Variants in PCDHA1 observed in about 807,000 individuals in gnomAD.
The protein encoded by PCDHA1 is protocadherin alpha-1.
PCDHA1 carries 42 observed loss-of-function variants against 61.3 expected under a neutral mutation model. The observed-to-expected ratio is 0.69, with a 90% CI of 0.54 to 0.89. PCDHA1 has a LOEUF of 0.89. PCDHA1 is among the 40% of genes least tolerant of loss of function. The pLI is 0.00. For missense variants in PCDHA1, 1,256 were observed against 1,235.3 expected (o/e 1.02, Z -0.25); for synonymous variants, 610 against 553.8 (o/e 1.10, Z -1.43).
At chr5:140,789,855 T>A (rs1356205969) in intron 1 of PCDHA1, among the ~76,000 whole-genome samples, 2 of 152,210 alleles carry the variant, frequency 1.3e-5, no homozygotes, top group African/African-American at 4.8e-5. Flanking sequence ...TTCCCGAGGA[T>A]ATCCAAAAAC....
At chr5:140,985,217 G>A (rs1196051994) in intron 3 of PCDHA1, among the ~76,000 whole-genome samples, 3 of 152,206 alleles carry the variant, frequency 2.0e-5, no homozygotes, top group Admixed American at 1.3e-4. Context: ...GATTACAGGC[G>A]TGAGCCACCG....
chr5:140,824,197 CT>C (rs2150133145), intron 1 of PCDHA1: 49 of 1,598,384 alleles, frequency 3.1e-5, no homozygotes, highest in Middle Eastern at 1.7e-4. Flanking sequence ...CATTCACCCA[CT>C]TTTTTTGTAT....
chr5:140,822,222 G>A (rs2150114654), intron 1 of PCDHA1: 1 of 1,614,212 alleles, frequency 6.2e-7, no homozygotes, highest in Non-Finnish European at 8.5e-7. Flanking sequence ...TGCCAGATTC[G>A]CGGTTTCCGC....
At chr5:140,956,381 G>T (rs1380347643) in intron 1 of PCDHA1, among the ~76,000 whole-genome samples, 2 of 152,090 alleles carry the variant, frequency 1.3e-5, no homozygotes, top group African/African-American at 4.8e-5. Context: ...TTTTATCGAA[G>T]GCCTTTTCTG....
chr5:140,910,982 T>C (rs1204318531), intron 1 of PCDHA1, among the ~76,000 whole-genome samples: 1 of 152,130 alleles, frequency 6.6e-6, no homozygotes, highest in Non-Finnish European at 1.5e-5. Flanking sequence ...GGTTATACTC[T>C]GAACCTCACC....
intron 2 of PCDHA1, chr5:140,982,242 AAAG>A (rs2096973421): frequency 2.9e-6 from 2 of 701,584 alleles, no homozygotes; most frequent in African/African-American, 3.6e-5. Flanking sequence ...GAATTGCCAT[AAAG>A]ATAGAACATG....
At chr5:140,819,227 A>G (rs1437121413) in intron 1 of PCDHA1, among the ~76,000 whole-genome samples, 1 of 152,190 alleles carries the variant, frequency 6.6e-6, no homozygotes, top group Non-Finnish European at 1.5e-5. Context: ...TTGCTTCAAC[A>G]TTTCCTCTTC....
chr5:140,904,235 T>A (rs147535141), intron 1 of PCDHA1, among the ~76,000 whole-genome samples: 1,856 of 152,070 alleles, frequency 0.012, 44 homozygotes, highest in African/African-American at 0.042. Flanking sequence ...TACTTATGCC[T>A]TTGCATCCTC....
intron 1 of PCDHA1, among the ~76,000 whole-genome samples, chr5:140,920,124 G>A (rs1261931835): frequency 2.6e-5 from 4 of 152,152 alleles, no homozygotes; most frequent in African/African-American, 4.8e-5. Flanking sequence ...AACATCTTGA[G>A]TTTTAATTCT....
rs141677026 is a variant in PCDHA1 at position 140,801,721 on chromosome 5, CTGAA to C, written c.2394+13039_2394+13042del. On this transcript the variant is annotated intron_variant, in intron 1 of 3. Transcript: ENST00000504120. ...TTGTTGACTTACAGTCTTGATTCCA[CTGAA>C]TATTTTACCTTGGACGTTAAAAGAA... 0.011 allele frequency: 18,159 copies of C among 1,614,106 alleles called. 133 individuals carry two copies. The highest frequency in any genetic ancestry group is 0.013 in the Non-Finnish European group (14,842 of 1,180,026).
intron 1 of PCDHA1, among the ~76,000 whole-genome samples, chr5:140,912,103 G>A (rs1431283462): frequency 6.6e-6 from 1 of 152,212 alleles, no homozygotes; most frequent in Non-Finnish European, 1.5e-5. Context: ...GGAGAAAGAT[G>A]TAGGCTGGGA....
At chr5:140,858,713 G>A (rs1554151978) in intron 1 of PCDHA1, 3 of 521,676 alleles carry the variant, frequency 5.8e-6, no homozygotes, top group African/African-American at 3.9e-5. Context: ...TGTGATATAG[G>A]TTGCAGTTCT....
chr5:140,994,417 T>C (rs1401833924), intron 3 of PCDHA1, among the ~76,000 whole-genome samples: 1 of 152,078 alleles, frequency 6.6e-6, no homozygotes, highest in East Asian at 1.9e-4. Context: ...ATACTGGATA[T>C]TGAGGCCGGG....
At chr5:140,805,392 G>C in intron 1 of PCDHA1, 2 of 1,088,008 alleles carry the variant, frequency 1.8e-6, no homozygotes, top group Non-Finnish European at 2.2e-6. Flanking sequence ...TCTGGTTTCT[G>C]TTTGATTCAG....
chr5:140,965,011 A>T (rs1418726287), intron 1 of PCDHA1, among the ~76,000 whole-genome samples: 1 of 152,186 alleles, frequency 6.6e-6, no homozygotes, highest in Non-Finnish European at 1.5e-5. Context: ...TGTCAGGATC[A>T]CAACCTTGGC....
chr5:140,857,073 A>G (rs782238591), intron 1 of PCDHA1: 1 of 1,596,904 alleles, frequency 6.3e-7, no homozygotes, highest in East Asian at 2.2e-5. Context: ...CTACTGGATG[A>G]AAATGATAAT....
intron 1 of PCDHA1, chr5:140,805,581 C>T (rs1314512666): frequency 2.1e-6 from 2 of 942,096 alleles, no homozygotes; most frequent in South Asian, 4.9e-5. Context: ...TAAATGGCTA[C>T]CATTATGTCT....
intron 1 of PCDHA1, chr5:140,871,632 T>G (rs1554165792): frequency 7.2e-7 from 1 of 1,380,660 alleles, no homozygotes; most frequent in Non-Finnish European, 9.6e-7. Context: ...ACAATGTCTG[T>G]TCATAAAATA....
chr5:140,941,202 C>CTTTCTTTCTTTCTCT (rs1554213921), intron 1 of PCDHA1, among the ~76,000 whole-genome samples: 1 of 122,742 alleles, frequency 8.1e-6, no homozygotes, highest in African/African-American at 3.0e-5. Context: ...TTTCTTTCTT[C>CTTTCTTTCTTTCTCT]CTTTCTTTCT....
Sources: gnomAD v4.1 joint callset for allele counts (sites outside exome capture counted in the v4.1 genomes callset) on GRCh38, gnomAD v4.1.1 for gene constraint, MANE v1.5 for transcripts, NCBI Gene and HGNC (gene_info 2026-07-23, HGNC 2026-07-21) for gene names.